SEMA5B: variants seen among roughly 807,000 people sequenced by gnomAD.
The protein encoded by SEMA5B is semaphorin-5B.
Under a neutral mutation model 135.0 loss-of-function variants are expected in SEMA5B, and 66 were observed. The ratio of observed to expected loss-of-function variants is 0.49; its 90% CI spans 0.40 to 0.60. The LOEUF (loss-of-function observed/expected upper bound fraction) is 0.60, where lower values mean the gene tolerates loss of function less well. Ranked by LOEUF, SEMA5B falls within the 20% of genes least tolerant of loss-of-function variation. The pLI is 0.00. For synonymous variants in SEMA5B, 690 were observed against 639.5 expected, an observed-to-expected ratio of 1.08 and a Z score of -1.19; for missense variants, 1,501 against 1,566.3, an observed-to-expected ratio of 0.96 and a Z score of 0.70.
chr3:122,941,621 A>T (rs1267869503), intron 4 of SEMA5B, among the ~76,000 whole-genome samples: 4 of 152,254 alleles, frequency 2.6e-5, no homozygotes, highest in South Asian at 4.1e-4. Flanking sequence ...CATATATGAC[A>T]TATAAAATAG....
chr3:122,931,542 CAT>C (rs1273522607), intron 5 of SEMA5B, among the ~76,000 whole-genome samples: 2 of 152,092 alleles, frequency 1.3e-5, no homozygotes, highest in Non-Finnish European at 2.9e-5. Context: ...CTTATTCAGA[CAT>C]ATGTTTTATC....
At chr3:123,004,961 T>C (rs1452832355) in intron 1 of SEMA5B, among the ~76,000 whole-genome samples, 1 of 152,170 alleles carries the variant, frequency 6.6e-6, no homozygotes, top group Non-Finnish European at 1.5e-5. Context: ...GAATACTCTG[T>C]AGGAAAAACT....
rs183769867 is a variant in SEMA5B at position 122,943,594 on chromosome 3, C to T, written c.329-59G>A. ...TTGGGCCAGAGGCTCCCAGCTGCAT[C>T]GCAGCAGACCACAGAACAGAAGGGT... On this transcript the variant is annotated intron_variant, in intron 3 of 22. Coordinates refer to ENST00000357599, the MANE Select transcript of SEMA5B (RefSeq NM_001031702.4). 9.4e-4 allele frequency: 1,175 copies of T among 1,251,302 alleles called. 8 individuals carry two copies. In the African/African-American group the frequency reaches 9.5e-3, roughly 10 times the overall value. 77.5% of individuals were successfully genotyped at this position (1,251,302 alleles called of 1,614,324 possible).
chr3:122,912,244 G>A lies in SEMA5B; in HGVS notation c.2824C>T (p.Pro942Ser), dbSNP rs370455656. The A allele has an allele frequency of 1.3e-5, 21 of 1,612,296 alleles. No individual in the cohort carries two copies. Among genetic ancestry groups the A allele is most frequent in the Non-Finnish European group, 1.8e-5 (21 of 1,179,192 alleles). The change falls in exon 19 of 23, where the codon CCC (proline) becomes TCC (serine). Residue 942 changes from proline to serine, a missense_variant. Pro to Ser is a moderately conservative substitution (Grantham distance 74, BLOSUM62 -1). Coordinates refer to ENST00000357599, the MANE Select transcript of SEMA5B (RefSeq NM_001031702.4). ...QRTRSCTSPAPSPGEDICLGL... is the reference protein window; with the variant it reads ...QRTRSCTSPASSPGEDICLGL... ...AGACAGATGTCCTCACCTGGGGAGG[G>A]TGCGGGGCTGGTGCAGGAACGGGTG...
chr3:123,011,206 C>G lies in SEMA5B; in HGVS notation c.-39+16258G>C, dbSNP rs747411774. ...GAATGGACAGAGTGTGTCTTGGGGT[C>G]GAAGACTTAGCAACCAGAGCCTTGG... On this transcript the variant is annotated intron_variant, in intron 1 of 22. Coordinates refer to ENST00000357599, the MANE Select transcript of SEMA5B (RefSeq NM_001031702.4). 2.0e-5 allele frequency among the ~76,000 whole-genome samples: 3 copies of G among 152,124 alleles called. 1 individual carries two copies. Among genetic ancestry groups the G allele is most frequent in the Admixed American group, 6.5e-5 (1 of 15,278 alleles).
rs1941486719 is a variant in SEMA5B, at chr3:122,980,462, A to C, written c.-38-19161T>G. On this transcript the variant is annotated intron_variant, in intron 1 of 22. Transcript: ENST00000357599. The stretch of plus-strand genomic sequence containing the variant: ...ACAACAAGAGTGAAAAGCCGTGTCA[A>C]AAAAAAAAAAAAAAAGGACCAAGGA... Among the ~76,000 whole-genome samples the C allele has an allele frequency of 4.7e-5, 4 of 84,552 alleles. 1 individual carries two copies. The South Asian group carries it at 1.3e-3, about 28-fold the overall frequency. The allele number at this position is 84,552 out of a possible 152,430, so 55.5% of individuals were successfully genotyped here.
intron 2 of SEMA5B, among the ~76,000 whole-genome samples, chr3:122,949,709 T>A (rs1373499763): frequency 1.3e-5 from 2 of 152,152 alleles, no homozygotes; most frequent in African/African-American, 4.8e-5. Context: ...AACCTCAGAT[T>A]GGTGTTCTAG....
chr3:122,923,500 A>G (rs907532512), intron 10 of SEMA5B, 117 bp downstream of exon 10: 1 of 1,142,850 alleles, frequency 8.8e-7, no homozygotes, highest in African/African-American at 1.5e-5. Flanking sequence ...ATGGGCATGG[A>G]CTGGCAGGGA....
At chr3:122,953,572 G>C (rs148374999) in intron 2 of SEMA5B, among the ~76,000 whole-genome samples, 1 of 152,258 alleles carries the variant, frequency 6.6e-6, no homozygotes, top group Non-Finnish European at 1.5e-5. Flanking sequence ...AGGACATGAC[G>C]GGTGGGGAAA....
chr3:122,979,242 G>A (rs1036479431), intron 1 of SEMA5B, among the ~76,000 whole-genome samples: 14 of 152,186 alleles, frequency 9.2e-5, no homozygotes, highest in African/African-American at 3.4e-4. Flanking sequence ...GGAAAGACCC[G>A]CCGAGGAGAA....
Position 122,927,995 on chromosome 3 carries a change from GTTCC to G in SEMA5B, c.641_644del (p.Gly214AlafsTer126). 6.8e-7 allele frequency: 1 copy of G among 1,470,308 alleles called. No individual in the cohort carries two copies. 91.1% of individuals were successfully genotyped at this position (1,470,308 alleles called of 1,614,324 possible). A position where few individuals can be genotyped will look rare whatever the true frequency, so the allele number is the denominator to read the frequency against. Reference sequence around the variant, plus strand: ...TGATCTTCTCAATAGTCCGGCTGAGGTTCCCCACCTGGGGACAATGGGGAGAAGG... The same window carrying G: ...TGATCTTCTCAATAGTCCGGCTGAGGCCACCTGGGGACAATGGGGAGAAGG... On this transcript the variant is annotated frameshift_variant, in exon 8 of 23. Transcript: ENST00000357599. LOFTEE classifies it high-confidence loss of function.
At chr3:123,002,508 C>T (rs943228237) in intron 1 of SEMA5B, among the ~76,000 whole-genome samples, 1 of 152,212 alleles carries the variant, frequency 6.6e-6, no homozygotes, top group Non-Finnish European at 1.5e-5. Context: ...CTGGCGAAAA[C>T]AACCCAATTT....
At chr3:122,996,472 G>A (rs1014382502) in intron 1 of SEMA5B, among the ~76,000 whole-genome samples, 3 of 152,134 alleles carry the variant, frequency 2.0e-5, no homozygotes, top group African/African-American at 7.2e-5. Context: ...CCCTGACCCC[G>A]GCCCCGTGCT....
rs1281539307 is a variant in SEMA5B at position 122,913,910 on chromosome 3, G to A, written c.2080C>T (p.Pro694Ser). 8 of 1,612,924 alleles carry A rather than the reference G, an allele frequency of 5.0e-6. No homozygotes were observed. The highest frequency in any genetic ancestry group is 1.7e-4 in the Middle Eastern group (1 of 6,058). ...ATGCGGCCCCCGTGGCGGGGAGCAGGGTTGCTGCAACTTCGCTGGCGGACC... is the reference window on the plus strand; with the variant it reads ...ATGCGGCCCCCGTGGCGGGGAGCAGAGTTGCTGCAACTTCGCTGGCGGACC... ...FQVRQRSCSNPAPRHGGRICV... is the reference protein window; with the variant it reads ...FQVRQRSCSNSAPRHGGRICV... The change falls in exon 15 of 23, where the codon CCT (proline) becomes TCT (serine). Residue 694 changes from proline to serine, a missense_variant. Around this residue, in one of 2 missense-constraint regions of SEMA5B, gnomAD observed 927 missense variants for 881.6 expected, o/e 1.05. Coordinates refer to ENST00000357599, the MANE Select transcript of SEMA5B (RefSeq NM_001031702.4).
intron 3 of SEMA5B, 121 bp from the exon 4 acceptor site, chr3:122,943,656 G>T (rs1028946024): frequency 4.4e-6 from 3 of 677,704 alleles, no homozygotes; most frequent in African/African-American, 1.8e-5. Context: ...GCACCCGGGA[G>T]ACCTGGTGCC....
intron 5 of SEMA5B, among the ~76,000 whole-genome samples, chr3:122,939,043 GGA>G (rs1939435109): frequency 6.6e-6 from 1 of 152,188 alleles, no homozygotes; most frequent in African/African-American, 2.4e-5. Flanking sequence ...CCAGGTCTGG[GGA>G]CTTACAATAA....
At chr3:123,008,109 G>A (rs1942353974) in intron 1 of SEMA5B, among the ~76,000 whole-genome samples, 1 of 152,226 alleles carries the variant, frequency 6.6e-6, no homozygotes, top group Admixed American at 6.5e-5. Flanking sequence ...AAATAAGTCT[G>A]TTATGTCGAG....
Position 122,922,371 on chromosome 3 carries a change from A to G in SEMA5B, c.1349T>C (p.Leu450Pro). The G allele has an allele frequency of 6.2e-7, 1 of 1,612,902 alleles. No homozygotes were observed. The change falls in exon 11 of 23, where the codon CTG (leucine) becomes CCG (proline). Residue 450 changes from leucine (L) to proline (P), a missense_variant. Physicochemically the swap from Leu to Pro is moderately conservative, Grantham distance 98. Around this residue, in one of 2 missense-constraint regions of SEMA5B, gnomAD observed 574 missense variants for 684.7 expected, o/e 0.84. Transcript: ENST00000357599. ...CACCGGCTGCACGGCCTCGCTCATC[A>G]GGAAGAGGCGCTGCGCGTCCTGCAG... ...RSLQDAQRLF[L>P]MSEAVQPVTP...
At chr3:122,950,919 G>C (rs1405243271) in intron 2 of SEMA5B, among the ~76,000 whole-genome samples, 1 of 152,226 alleles carries the variant, frequency 6.6e-6, no homozygotes, top group Non-Finnish European at 1.5e-5. Flanking sequence ...AAAGTGTGAA[G>C]ATTTTCTCTA....
Sources: gnomAD v4.1 joint callset for allele counts (sites outside exome capture counted in the v4.1 genomes callset) on GRCh38, gnomAD v4.1.1 for gene constraint, gnomAD v4.1.1 regional missense constraint, MANE v1.5 for transcripts, NCBI Gene and HGNC (gene_info 2026-07-23, HGNC 2026-07-21) for gene names.